The following SNX13 variants were observed in gnomAD, a reference collection of about 807,000 sequenced individuals.
The protein encoded by SNX13 is sorting nexin-13.
Under a neutral mutation model 133.6 loss-of-function variants are expected in SNX13, and 45 were observed. The ratio of observed to expected loss-of-function variants is 0.34; its 90% CI spans 0.27 to 0.43. SNX13 has a LOEUF of 0.43. SNX13 is among the 20% of genes least tolerant of loss of function. The pLI is 1.00. For missense variants in SNX13, 1,032 were observed against 1,145.1 expected (o/e 0.90, Z 1.43); for synonymous variants, 414 against 373.9 (o/e 1.11, Z -1.24).
intron 5 of SNX13, among the ~76,000 whole-genome samples, chr7:17,885,040 G>C (rs1795823110): frequency 6.6e-6 from 1 of 152,060 alleles, no homozygotes; most frequent in South Asian, 2.1e-4. Flanking sequence ...TCAAAAACTT[G>C]TACATGAATA....
rs376225105 is a variant in SNX13, at chr7:17,799,004, G to T, written c.2444+5C>A. 6 of 1,606,768 alleles carry T rather than the reference G, an allele frequency of 3.7e-6. No individual in the cohort carries two copies. Among genetic ancestry groups the T allele is most frequent in the Non-Finnish European group, 5.1e-6 (6 of 1,176,474 alleles). ...AGATTAAAAGCGAGGAGGAAAGAGTGCTACCTATTAATAGTATCGCCATAT... is the reference window on the plus strand; with the variant it reads ...AGATTAAAAGCGAGGAGGAAAGAGTTCTACCTATTAATAGTATCGCCATAT... On this transcript the variant is annotated splice_donor_5th_base_variant and intron_variant, in intron 23 of 25. Transcript: ENST00000428135.
intron 18 of SNX13, among the ~76,000 whole-genome samples, chr7:17,820,508 TTTC>T (rs1267323034): frequency 1.3e-5 from 2 of 152,132 alleles, no homozygotes; most frequent in African/African-American, 2.4e-5. Context: ...TTAATTTAAT[TTTC>T]TTATTAATAT....
intron 5 of SNX13, chr7:17,881,370 G>A (rs945466812): frequency 4.0e-5 from 6 of 151,194 alleles, no homozygotes; most frequent in African/African-American, 9.7e-5. Context: ...GTTAAGAGTT[G>A]GCCTTTTTAA....
At chr7:17,835,150 T>C (rs955453594) in intron 13 of SNX13, among the ~76,000 whole-genome samples, 5 of 151,810 alleles carry the variant, frequency 3.3e-5, no homozygotes, top group African/African-American at 9.7e-5. Flanking sequence ...ATCTGTAAAA[T>C]GGAGATAATA....
chr7:17,897,407 C>T lies in SNX13; in HGVS notation c.52G>A (p.Val18Ile). ...GGTCCAAAGGTTATCAGAAAAAGGA[C>T]AATGCCAAGGCTTCCCCATCCCCAT... ...SIWGWGSLGIVLFLITFGPFV... is the reference protein window; with the variant it reads ...SIWGWGSLGIILFLITFGPFV... The change falls in exon 2 of 26, where the codon GTC (valine) becomes ATC (isoleucine). Residue 18 changes from valine (V) to isoleucine (I), a missense_variant. Coordinates refer to ENST00000428135, the MANE Select transcript of SNX13 (RefSeq NM_015132.5). 1 of 1,603,222 alleles carries T rather than the reference C, an allele frequency of 6.2e-7. No homozygotes were observed. The highest frequency in any genetic ancestry group is 2.3e-5 in the East Asian group (1 of 44,356).
intron 9 of SNX13, among the ~76,000 whole-genome samples, chr7:17,852,440 A>G (rs562300927): frequency 1.3e-5 from 2 of 152,252 alleles, no homozygotes; most frequent in South Asian, 4.2e-4. Flanking sequence ...AACTGTGTCA[A>G]GCATTTCATA....
intron 12 of SNX13, among the ~76,000 whole-genome samples, chr7:17,842,495 A>C (rs571555530): frequency 6.6e-6 from 1 of 152,220 alleles, no homozygotes; most frequent in South Asian, 2.1e-4. Context: ...ATAGTAACTT[A>C]GTACTTTGAA....
chr7:17,870,682 TTGTC>T (rs747229124), intron 8 of SNX13, among the ~76,000 whole-genome samples: 10 of 152,288 alleles, frequency 6.6e-5, no homozygotes, highest in Admixed American at 1.3e-4. Context: ...TTAAAACTGA[TTGTC>T]TGAGCATCTG....
chr7:17,822,137 C>T (rs1278997075), intron 17 of SNX13, among the ~76,000 whole-genome samples: 1 of 152,046 alleles, frequency 6.6e-6, no homozygotes, highest in Non-Finnish European at 1.5e-5. Context: ...TAACATTTAT[C>T]TTCTGGCAAT....
Position 17,868,418 on chromosome 7 carries a change from C to T in SNX13, c.826G>A (p.Val276Ile), listed in dbSNP as rs756909134. 1.9e-6 allele frequency: 3 copies of T among 1,603,482 alleles called. No individual in the cohort carries two copies. Among genetic ancestry groups the T allele is most frequent in the Admixed American group, 3.4e-5 (2 of 58,992 alleles). ...LSDPDYINQY[V>I]IWMIRDSNCN... is the part of the protein sequence containing the mutation. ...TAAAAGGCACCTACCATCCATATGA[C>T]ATACTGATTAATATAATCAGGATCA... The change falls in exon 9 of 26, where the codon GTC becomes ATC. Residue 276 changes from valine to isoleucine, a missense_variant. Coordinates refer to ENST00000428135, the MANE Select transcript of SNX13 (RefSeq NM_015132.5).
intron 3 of SNX13, among the ~76,000 whole-genome samples, chr7:17,892,689 A>G (rs1176050238): frequency 6.6e-6 from 1 of 152,150 alleles, no homozygotes; most frequent in Non-Finnish European, 1.5e-5. Context: ...TTAGCATGTA[A>G]CAGATAAATT....
At chr7:17,900,926 TA>T (rs888276941) in intron 1 of SNX13, among the ~76,000 whole-genome samples, 6 of 151,994 alleles carry the variant, frequency 3.9e-5, no homozygotes, top group African/African-American at 1.2e-4. Flanking sequence ...AGGTCACATC[TA>T]AAGCCAGCAT....
intron 15 of SNX13, chr7:17,832,271 A>G: frequency 1.0e-6 from 1 of 984,630 alleles, no homozygotes; most frequent in African/African-American, 1.7e-5. Flanking sequence ...CAATAGCTGT[A>G]CTGAAGAAGA....
intron 8 of SNX13, among the ~76,000 whole-genome samples, chr7:17,872,296 A>C (rs1033386279): frequency 6.6e-6 from 1 of 152,218 alleles, no homozygotes; most frequent in Non-Finnish European, 1.5e-5. Context: ...CAGTGACATG[A>C]AAGAAAGGAG....
intron 8 of SNX13, among the ~76,000 whole-genome samples, chr7:17,870,694 C>A (rs1413111484): frequency 1.3e-5 from 2 of 152,176 alleles, no homozygotes; most frequent in African/African-American, 4.8e-5. Flanking sequence ...GTCTGAGCAT[C>A]TGCTATGTGC....
intron 19 of SNX13, 62 bp from the exon 20 acceptor site, chr7:17,815,006 C>CATTGTTTATA (rs1786502122): frequency 7.5e-7 from 1 of 1,336,182 alleles, no homozygotes; most frequent in South Asian, 2.0e-5. Flanking sequence ...TAGAAATTAC[C>CATTGTTTATA]ATTGTTTATA....
Position 17,855,443 on chromosome 7 carries a change from A to G in SNX13, c.838-4479T>C, listed in dbSNP as rs1335381054. Among the ~76,000 whole-genome samples, 5 of 152,312 alleles carry G rather than the reference A, an allele frequency of 3.3e-5. No homozygotes were observed. In the East Asian group the frequency reaches 9.6e-4, roughly 29 times the overall value. On this transcript the variant is annotated intron_variant, in intron 9 of 25. Coordinates refer to ENST00000428135, the MANE Select transcript of SNX13 (RefSeq NM_015132.5). Reference sequence around the variant, plus strand: ...CTTTCACAATTAGACAGTAAAAGCCAGTGTCTGGCTACAAAGCCTCAAAAG... The same window carrying G: ...CTTTCACAATTAGACAGTAAAAGCCGGTGTCTGGCTACAAAGCCTCAAAAG...
At chr7:17,903,411 A>C (rs1798048393) in intron 1 of SNX13, among the ~76,000 whole-genome samples, 1 of 152,196 alleles carries the variant, frequency 6.6e-6, no homozygotes, top group Admixed American at 6.5e-5. Context: ...CATACACCTC[A>C]GAACAACTTA....
At chr7:17,870,843 C>T (rs929679199) in intron 8 of SNX13, among the ~76,000 whole-genome samples, 1 of 151,934 alleles carries the variant, frequency 6.6e-6, no homozygotes, top group East Asian at 1.9e-4. Flanking sequence ...ATGGTAAATG[C>T]TATGAAGGAA....
Sources: allele counts gnomAD v4.1 joint callset (sites outside exome capture counted in the v4.1 genomes callset), GRCh38; gene constraint gnomAD v4.1.1; transcripts MANE v1.5; gene names NCBI Gene and HGNC (gene_info 2026-07-23, HGNC 2026-07-21).